Variants in CTNNA2 observed in about 807,000 individuals in gnomAD.
CTNNA2 encodes the protein catenin alpha 2, also known as catenin alpha-2.
In CTNNA2, 42 loss-of-function variants were observed where a neutral mutation model predicts 101.0. The ratio of observed to expected loss-of-function variants is 0.42; its 90% CI spans 0.32 to 0.54. The LOEUF (loss-of-function observed/expected upper bound fraction) is 0.54. Among genes scored for constraint, CTNNA2 ranks in the 20% least tolerant of loss-of-function variants. The pLI is 0.14. For missense variants in CTNNA2, 871 were observed against 1,223.1 expected (o/e 0.71, Z 4.29); for synonymous variants, 450 against 456.4 (o/e 0.99, Z 0.18).
chr2:80,221,499 G>A (rs1708574595), intron 7 of CTNNA2, among the ~76,000 whole-genome samples: 1 of 152,144 alleles, frequency 6.6e-6, no homozygotes. Context: ...CCATGTCCCA[G>A]GAATGGCTAA....
chr2:79,575,913 T>A (rs1297079759), intron 1 of CTNNA2, among the ~76,000 whole-genome samples: 1 of 152,194 alleles, frequency 6.6e-6, no homozygotes. Flanking sequence ...AATTTCCTTA[T>A]CTGCAAAAGA....
At chr2:79,836,990 C>T (rs1679418574) in intron 3 of CTNNA2, among the ~76,000 whole-genome samples, 1 of 152,154 alleles carries the variant, frequency 6.6e-6, no homozygotes, top group African/African-American at 2.4e-5. Flanking sequence ...ACAAAGACCC[C>T]TGTTTCCAAG....
chr2:79,781,247 G>T (rs1674401899), intron 3 of CTNNA2, among the ~76,000 whole-genome samples: 1 of 152,146 alleles, frequency 6.6e-6, no homozygotes, highest in African/African-American at 2.4e-5. Flanking sequence ...TCATGATGTT[G>T]GTGGGAGTGT....
At chr2:80,057,652 C>T (rs548718886) in intron 7 of CTNNA2, among the ~76,000 whole-genome samples, 44 of 152,144 alleles carry the variant, frequency 2.9e-4, no homozygotes, top group African/African-American at 9.7e-4. Flanking sequence ...AGGCAGCCTA[C>T]GTTCTGAGCC....
chr2:79,216,345 G>A (rs563386993), intron 2 of CTNNA2, among the ~76,000 whole-genome samples: 262 of 151,542 alleles, frequency 1.7e-3, no homozygotes, highest in African/African-American at 5.9e-3. Context: ...AGAGAGACAC[G>A]GAGGGAAGGG....
In CTNNA2 at chr2:80,495,939, C is replaced by CAAAAAAAAAAAA. The variant is rs60582703; in HGVS notation, c.1291-49026_1291-49015dup. On this transcript the variant is annotated intron_variant, in intron 9 of 18. Transcript: ENST00000402739. ...TGGGCGGCAGAGCAAGACTCTGTCT[C>CAAAAAAAAAAAA]AAAAAAAAAAAAAAAAAAAAAAAAA... Among the ~76,000 whole-genome samples, 227 of 35,772 alleles carry CAAAAAAAAAAAA rather than the reference C, an allele frequency of 6.3e-3. 19 individuals carry two copies. The highest frequency in any genetic ancestry group is 0.042 in the Middle Eastern group (1 of 24). 23.5% of individuals were successfully genotyped at this position (35,772 alleles called of 152,430 possible). A position where few individuals can be genotyped will look rare whatever the true frequency, so the allele number is the denominator to read the frequency against.
chr2:80,148,696 A>G (rs1213212770), intron 7 of CTNNA2, among the ~76,000 whole-genome samples: 1 of 152,194 alleles, frequency 6.6e-6, no homozygotes, highest in African/African-American at 2.4e-5. Flanking sequence ...TTATGAACGT[A>G]TGCCATATAG....
At chr2:79,724,612 A>G (rs965665322) in intron 2 of CTNNA2, among the ~76,000 whole-genome samples, 16 of 151,916 alleles carry the variant, frequency 1.1e-4, no homozygotes, top group East Asian at 5.8e-4. Flanking sequence ...TCAGGAGATC[A>G]AGACCATCCT....
intron 3 of CTNNA2, among the ~76,000 whole-genome samples, chr2:79,318,308 T>A (rs562353993): frequency 6.6e-6 from 1 of 152,184 alleles, no homozygotes; most frequent in African/African-American, 2.4e-5. Context: ...ATAATTCAAA[T>A]GTAATCCAGT....
At chr2:79,497,554 G>C (rs144621739) in intron 4 of CTNNA2, among the ~76,000 whole-genome samples, 1 of 152,098 alleles carries the variant, frequency 6.6e-6, no homozygotes, top group African/African-American at 2.4e-5. Flanking sequence ...CCATTTCTCA[G>C]TGTCTTGTTA....
At chr2:79,930,946 A>G (rs1687399026) in intron 7 of CTNNA2, among the ~76,000 whole-genome samples, 1 of 152,210 alleles carries the variant, frequency 6.6e-6, no homozygotes, top group South Asian at 2.1e-4. Flanking sequence ...TGGCAGAGCA[A>G]TTGGACTTGG....
At chr2:79,346,246 T>C (rs1677261720) in intron 3 of CTNNA2, among the ~76,000 whole-genome samples, 1 of 152,190 alleles carries the variant, frequency 6.6e-6, no homozygotes, top group Non-Finnish European at 1.5e-5. Flanking sequence ...AAAATTAATA[T>C]TGACCTAACC....
intron 3 of CTNNA2, among the ~76,000 whole-genome samples, chr2:79,813,029 G>A (rs1335992992): frequency 1.3e-5 from 2 of 152,172 alleles, no homozygotes; most frequent in African/African-American, 4.8e-5. Context: ...AGACTGGTTA[G>A]CCACTGCAGT....
chr2:79,801,584 G>A (rs912513414), intron 3 of CTNNA2, among the ~76,000 whole-genome samples: 1 of 55,474 alleles, frequency 1.8e-5, no homozygotes, highest in Non-Finnish European at 2.8e-5. Context: ...CAGTGCATAC[G>A]GGGGCTCACA....
chr2:80,477,145 A>G (rs1685789576), intron 9 of CTNNA2, among the ~76,000 whole-genome samples: 1 of 152,186 alleles, frequency 6.6e-6, no homozygotes, highest in Admixed American at 6.5e-5. Context: ...GGCACTGATA[A>G]GGAATAGAAT....
intron 3 of CTNNA2, among the ~76,000 whole-genome samples, chr2:79,804,426 ATAGT>A (rs1676404465): frequency 6.6e-6 from 1 of 152,174 alleles, no homozygotes; most frequent in Non-Finnish European, 1.5e-5. Flanking sequence ...CAAAATGAAA[ATAGT>A]TAAAGCAATA....
intron 7 of CTNNA2, among the ~76,000 whole-genome samples, chr2:80,143,466 T>C (rs1220117221): frequency 6.6e-6 from 1 of 152,154 alleles, no homozygotes; most frequent in Non-Finnish European, 1.5e-5. Context: ...TTTAGCTATT[T>C]TGAAACAGGC....
chr2:79,410,468 T>TAC (rs1678396581), intron 4 of CTNNA2, among the ~76,000 whole-genome samples: 2 of 152,094 alleles, frequency 1.3e-5, no homozygotes, highest in Admixed American at 6.6e-5. Flanking sequence ...TATTTTGAGA[T>TAC]TTGTCCCATC....
At chr2:80,633,276 G>T (rs1400637194) in intron 18 of CTNNA2, among the ~76,000 whole-genome samples, 1 of 152,190 alleles carries the variant, frequency 6.6e-6, no homozygotes, top group Non-Finnish European at 1.5e-5. Flanking sequence ...AGGAGAATTA[G>T]AAGTTGTATT....
Sources: allele counts gnomAD v4.1 joint callset (sites outside exome capture counted in the v4.1 genomes callset), GRCh38; gene constraint gnomAD v4.1.1; transcripts MANE v1.5; gene names NCBI Gene and HGNC (gene_info 2026-07-23, HGNC 2026-07-21).